The following ETFA variants were observed in gnomAD, a reference collection of about 807,000 sequenced individuals.
ETFA encodes the protein electron transfer flavoprotein subunit alpha.
In ETFA, 22 loss-of-function variants were observed where a neutral mutation model predicts 46.2. The ratio of observed to expected loss-of-function variants is 0.48; its 90% CI spans 0.34 to 0.68. The LOEUF is 0.68. ETFA is among the 30% of genes least tolerant of loss of function. ETFA has a pLI of 0.01. For synonymous variants in ETFA, 131 were observed against 139.9 expected (o/e 0.94, Z 0.45); for missense variants, 345 against 401.1 (o/e 0.86, Z 1.19).
chr15:76,288,671 C>T (rs1203698201), intron 4 of ETFA, among the ~76,000 whole-genome samples: 4 of 149,562 alleles, frequency 2.7e-5, no homozygotes, highest in African/African-American at 9.9e-5. Context: ...GAGATAGTAC[C>T]ACCACACTCC....
chr15:76,292,746 T>C (rs764287929), intron 2 of ETFA, 46 bp from the exon 3 acceptor site: 3 of 1,280,154 alleles, frequency 2.3e-6, no homozygotes, highest in South Asian at 1.2e-5. Context: ...ATCAGAAATA[T>C]ACAAATAAAG....
At chr15:76,274,649 C>A (rs956014235) in intron 8 of ETFA, among the ~76,000 whole-genome samples, 155 bp from the exon 9 acceptor site, 3 of 152,138 alleles carry the variant, frequency 2.0e-5, no homozygotes, top group East Asian at 1.9e-4. Context: ...TTTTTATACC[C>A]AAGTATTTCA....
In ETFA at chr15:76,285,756, TA is replaced by T. The variant is rs749017016; in HGVS notation, c.563-19del. 7.4e-7 allele frequency: 1 copy of T among 1,352,532 alleles called. No homozygotes were observed. The highest frequency in any genetic ancestry group is 1.2e-5 in the South Asian group (1 of 85,730). 83.8% of individuals were successfully genotyped at this position (1,352,532 alleles called of 1,614,324 possible). A position where few individuals can be genotyped will look rare whatever the true frequency, so the allele number is the denominator to read the frequency against. ...ACTTGATGCTGCATACATTAATACA[TA>T]ATAAAACAATGACTATGATTTCAAG... On this transcript the variant is annotated intron_variant, in intron 6 of 11. Coordinates refer to ENST00000557943, the MANE Select transcript of ETFA (RefSeq NM_000126.4).
chr15:76,249,201 T>C (rs2039272406), intron 9 of ETFA, among the ~76,000 whole-genome samples: 1 of 150,854 alleles, frequency 6.6e-6, no homozygotes, highest in Non-Finnish European at 1.5e-5. Flanking sequence ...TGATCTTGGC[T>C]CACCACAACC....
chr15:76,287,881 T>C lies in ETFA; in HGVS notation c.416A>G (p.Lys139Arg). The C allele has an allele frequency of 6.2e-7, 1 of 1,613,994 alleles. No homozygotes were observed. Among genetic ancestry groups the C allele is most frequent in the South Asian group, 1.1e-5 (1 of 91,084 alleles). Residue 139 changes from lysine (K) to arginine (R), a missense_variant, in exon 5 of 12, where the codon AAG becomes AGG. Lys to Arg is a conservative substitution (Grantham distance 26, BLOSUM62 2). Transcript: ENST00000557943. The part of the protein sequence containing the change: ...VAPISDIIAI[K>R]SPDTFVRTIY... ...AGTTCTCACAAATGTGTCAGGTGAC[T>C]TGATTGCAATGATGTCAGAAATCGG...
intron 9 of ETFA, among the ~76,000 whole-genome samples, chr15:76,247,726 G>A (rs1161212589): frequency 6.6e-6 from 1 of 152,152 alleles, no homozygotes; most frequent in Non-Finnish European, 1.5e-5. Context: ...AGAAATAACT[G>A]ATACTGTACA....
intron 9 of ETFA, chr15:76,261,078 C>A (rs942335556): frequency 2.2e-5 from 34 of 1,530,594 alleles, no homozygotes; most frequent in Non-Finnish European, 3.1e-5. Flanking sequence ...AGAGGCCAGG[C>A]ATTTTAGGCT....
chr15:76,283,675 G>GACTTACAC (rs2039676868), intron 8 of ETFA, 82 bp downstream of exon 8: 1 of 985,402 alleles, frequency 1.0e-6, no homozygotes, highest in Non-Finnish European at 1.6e-6. Flanking sequence ...AGGGCTGAAA[G>GACTTACAC]ACTTACACAA....
chr15:76,260,522 A>C, intron 9 of ETFA: 1 of 1,403,422 alleles, frequency 7.1e-7, no homozygotes, highest in Non-Finnish European at 1.0e-6. Context: ...CACTGGAGAC[A>C]CACACACGTA....
intron 9 of ETFA, among the ~76,000 whole-genome samples, chr15:76,272,826 A>G (rs1051330354): frequency 1.3e-5 from 2 of 149,406 alleles, no homozygotes; most frequent in South Asian, 4.2e-4. Context: ...ATATATATAT[A>G]TATATGCGCA....
intron 9 of ETFA, among the ~76,000 whole-genome samples, chr15:76,262,272 G>A (rs1184613718): frequency 6.6e-6 from 1 of 151,576 alleles, no homozygotes; most frequent in Non-Finnish European, 1.5e-5. Flanking sequence ...AGCAATCTGG[G>A]AAAGAACATC....
At chr15:76,291,446 GA>G (rs754954938) in intron 4 of ETFA, among the ~76,000 whole-genome samples, 2 of 93,420 alleles carry the variant, frequency 2.1e-5, no homozygotes, top group Admixed American at 1.3e-4. Context: ...ACTCCATCTC[GA>G]AAAAAAAAAA....
intron 6 of ETFA, among the ~76,000 whole-genome samples, chr15:76,286,076 A>T (rs1447919078): frequency 6.6e-6 from 1 of 152,194 alleles, no homozygotes; most frequent in African/African-American, 2.4e-5. Flanking sequence ...GTTATACTGA[A>T]TCACCCAAAT....
chr15:76,291,917 T>TTATG (rs1343595155), intron 4 of ETFA, among the ~76,000 whole-genome samples: 1 of 152,094 alleles, frequency 6.6e-6, no homozygotes, highest in African/African-American at 2.4e-5. Context: ...ATTTTTAACT[T>TTATG]TATGTAGACT....
intron 9 of ETFA, chr15:76,259,699 A>G (rs1007833848): frequency 1.1e-5 from 14 of 1,281,814 alleles, no homozygotes; most frequent in Non-Finnish European, 1.6e-5. Flanking sequence ...GTCCAAAGTC[A>G]GCCACACACA....
At chr15:76,304,467 G>A (rs984521251) in intron 1 of ETFA, among the ~76,000 whole-genome samples, 1 of 152,004 alleles carries the variant, frequency 6.6e-6, no homozygotes, top group African/African-American at 2.4e-5. Context: ...AGACCAGCCT[G>A]GACAATACAG....
chr15:76,293,784 G>A (rs2039791745), intron 2 of ETFA, among the ~76,000 whole-genome samples: 1 of 152,332 alleles, frequency 6.6e-6, no homozygotes. Context: ...TGCAGTGCAA[G>A]AATACATTCT....
chr15:76,304,885 A>G (rs2039923563), intron 1 of ETFA, among the ~76,000 whole-genome samples: 1 of 152,002 alleles, frequency 6.6e-6, no homozygotes, highest in Admixed American at 6.6e-5. Context: ...TCTACTAAAA[A>G]TACAAAAATT....
intron 4 of ETFA, among the ~76,000 whole-genome samples, chr15:76,290,333 C>CTT (rs10682432): frequency 0.19 from 18,174 of 96,572 alleles, 3,436 homozygotes; most frequent in African/African-American, 0.44. Flanking sequence ...AGTCGCTACT[C>CTT]TTTTTTTTTT....
Sources: allele counts gnomAD v4.1 joint callset (sites outside exome capture counted in the v4.1 genomes callset), GRCh38; gene constraint gnomAD v4.1.1; transcripts MANE v1.5; gene names NCBI Gene and HGNC (gene_info 2026-07-23, HGNC 2026-07-21).